TMEM117: variants seen among roughly 807,000 people sequenced by gnomAD.
TMEM117 encodes transmembrane protein 117.
In TMEM117, 27 loss-of-function variants were observed where a neutral mutation model predicts 52.4. The observed-to-expected ratio is 0.51, with a 90% CI of 0.38 to 0.71. The LOEUF (loss-of-function observed/expected upper bound fraction) is 0.71, where lower values mean the gene tolerates loss of function less well. Ranked by LOEUF, TMEM117 falls within the 30% of genes least tolerant of loss-of-function variation. TMEM117 has a pLI of 0.00. For missense variants in TMEM117, 556 were observed against 630.5 expected, an observed-to-expected ratio of 0.88 and a Z score of 1.26; for synonymous variants, 215 against 206.3, an observed-to-expected ratio of 1.04 and a Z score of -0.36.
At chr12:43,947,276 A>G (rs544603191) in intron 3 of TMEM117, among the ~76,000 whole-genome samples, 2 of 152,324 alleles carry the variant, frequency 1.3e-5, no homozygotes, top group South Asian at 2.1e-4. Context: ...TCAAGGTTAC[A>G]GTGAGTTATG....
chr12:44,299,744 G>A lies in TMEM117; in HGVS notation c.768+5G>A. Reference sequence around the variant, plus strand: ...GACCTTCTTATTGTGATGCAGGTAAGTGTATTTCCCTCCCCTCAGTGAAGC... The same window carrying A: ...GACCTTCTTATTGTGATGCAGGTAAATGTATTTCCCTCCCCTCAGTGAAGC... On this transcript the variant is annotated splice_donor_5th_base_variant and intron_variant, in intron 6 of 7. Transcript: ENST00000266534. 1.2e-6 allele frequency: 2 copies of A among 1,613,978 alleles called. No homozygotes were observed. Among genetic ancestry groups the A allele is most frequent in the South Asian group, 1.1e-5 (1 of 91,076 alleles).
At chr12:44,062,502 C>T (rs142318109) in intron 3 of TMEM117, among the ~76,000 whole-genome samples, 6 of 152,254 alleles carry the variant, frequency 3.9e-5, no homozygotes, top group African/African-American at 1.4e-4. Flanking sequence ...TGGAATAGTC[C>T]AAATATGATT....
At chr12:43,824,773 T>C in the TMEM117 span, among the ~76,000 whole-genome samples, 1 of 151,974 alleles carries the variant, frequency 6.6e-6, no homozygotes. Context: ...ACTAAAAATA[T>C]AAAAAATTAG....
At chr12:43,896,738 C>A (rs913910487) in intron 2 of TMEM117, among the ~76,000 whole-genome samples, 3 of 152,282 alleles carry the variant, frequency 2.0e-5, no homozygotes, top group South Asian at 4.1e-4. Context: ...TCCTCCCTCA[C>A]TACAGTTGAC....
rs1007506802 is a variant in TMEM117, at chr12:44,315,942, G to A, written c.768+16203G>A. Reference sequence around the variant, plus strand: ...TTCATGATAGATCTTTCTTTCTCCAGTTCTTTACTTTGAGCCTGTAAGTGT... The same window carrying A: ...TTCATGATAGATCTTTCTTTCTCCAATTCTTTACTTTGAGCCTGTAAGTGT... On this transcript the variant is annotated intron_variant, in intron 6 of 7. Transcript: ENST00000266534. Among the ~76,000 whole-genome samples, 7 of 152,144 alleles carry A rather than the reference G, an allele frequency of 4.6e-5. No homozygotes were observed. The South Asian group carries it at 6.2e-4, about 14-fold the overall frequency.
intron 3 of TMEM117, among the ~76,000 whole-genome samples, chr12:43,983,779 A>G (rs1945800462): frequency 6.6e-6 from 1 of 152,034 alleles, no homozygotes; most frequent in Non-Finnish European, 1.5e-5. Flanking sequence ...CTGAGATACA[A>G]GGAAGGTAAA....
At chr12:44,327,620 CATCTGTT>C (rs1951213753) in intron 6 of TMEM117, among the ~76,000 whole-genome samples, 1 of 152,202 alleles carries the variant, frequency 6.6e-6, no homozygotes, top group African/African-American at 2.4e-5. Flanking sequence ...TATATTTTAA[CATCTGTT>C]ATATTTATGT....
In TMEM117 at chr12:43,949,060, T is replaced by C. The variant is rs968107275; in HGVS notation, c.410+4718T>C. 2.6e-5 allele frequency among the ~76,000 whole-genome samples: 4 copies of C among 152,006 alleles called. No homozygotes were observed. In the East Asian group the frequency reaches 7.7e-4, roughly 29 times the overall value. ...GCTACAGTGGGAGGGGGAGGTGAAA[T>C]GGAAAACATGTAACTGTTAGCAGCA... On this transcript the variant is annotated intron_variant, in intron 3 of 7. Coordinates refer to ENST00000266534, the MANE Select transcript of TMEM117 (RefSeq NM_032256.3).
At chr12:44,198,034 G>A (rs779198327) in intron 4 of TMEM117, among the ~76,000 whole-genome samples, 1 of 152,180 alleles carries the variant, frequency 6.6e-6, no homozygotes, top group Admixed American at 6.5e-5. Context: ...GGCATCACTA[G>A]GTGATTTAGG....
intron 6 of TMEM117, among the ~76,000 whole-genome samples, chr12:44,343,136 A>T (rs1002476842): frequency 2.3e-4 from 34 of 151,094 alleles, no homozygotes; most frequent in Non-Finnish European, 3.8e-4. Flanking sequence ...TATTTTTAGT[A>T]CAGATGGGGT....
intron 6 of TMEM117, among the ~76,000 whole-genome samples, chr12:44,346,075 A>G (rs1279715744): frequency 1.3e-5 from 2 of 152,144 alleles, no homozygotes; most frequent in Admixed American, 6.6e-5. Flanking sequence ...TCAGTTCGAT[A>G]CAAATAAAAT....
intron 3 of TMEM117, among the ~76,000 whole-genome samples, chr12:44,100,216 A>G (rs534279142): frequency 7.2e-5 from 11 of 152,126 alleles, no homozygotes; most frequent in African/African-American, 2.6e-4. Flanking sequence ...TGCCCCATAA[A>G]CGTGCCAGAT....
intron 6 of TMEM117, among the ~76,000 whole-genome samples, chr12:44,323,124 C>T (rs1439876262): frequency 6.6e-6 from 1 of 152,116 alleles, no homozygotes; most frequent in African/African-American, 2.4e-5. Context: ...TAGGTGACCT[C>T]TACAATCAAT....
chr12:43,906,846 C>T (rs1363420122), intron 2 of TMEM117, among the ~76,000 whole-genome samples: 1 of 152,220 alleles, frequency 6.6e-6, no homozygotes. Context: ...GAGGGTCCTA[C>T]CCCCACGGAG....
chr12:44,013,295 G>C (rs577534646), intron 3 of TMEM117, among the ~76,000 whole-genome samples: 1 of 152,254 alleles, frequency 6.6e-6, no homozygotes, highest in Admixed American at 6.5e-5. Flanking sequence ...CCAAAGCGCT[G>C]GGATTACAGG....
intron 6 of TMEM117, among the ~76,000 whole-genome samples, chr12:44,358,875 A>T (rs1951685790): frequency 1.3e-5 from 2 of 152,132 alleles, no homozygotes; most frequent in Admixed American, 1.3e-4. Context: ...GAGTTAGTCC[A>T]ACCCATCTAC....
chr12:44,080,660 A>G (rs1304810829), intron 3 of TMEM117, among the ~76,000 whole-genome samples: 2 of 152,184 alleles, frequency 1.3e-5, no homozygotes, highest in Admixed American at 6.5e-5. Context: ...TCTGTGAACT[A>G]AGGATGATTT....
At chr12:44,335,619 A>G (rs926374248) in intron 6 of TMEM117, among the ~76,000 whole-genome samples, 6 of 152,078 alleles carry the variant, frequency 3.9e-5, no homozygotes, top group Admixed American at 3.3e-4. Flanking sequence ...TCTAATGGTA[A>G]TAACTATGTA....
At chr12:43,945,710 A>G (rs1296033090) in intron 3 of TMEM117, among the ~76,000 whole-genome samples, 1 of 152,166 alleles carries the variant, frequency 6.6e-6, no homozygotes. Context: ...CACTTTAGGT[A>G]TTTGTTGTGT....
Sources: gnomAD v4.1 joint callset for allele counts (sites outside exome capture counted in the v4.1 genomes callset) on GRCh38, gnomAD v4.1.1 for gene constraint, MANE v1.5 for transcripts, NCBI Gene and HGNC (gene_info 2026-07-23, HGNC 2026-07-21) for gene names.